Variants in BABAM2 observed in about 807,000 individuals in gnomAD.
BABAM2 encodes BRISC and BRCA1 A complex member 2, also known as BRISC and BRCA1-A complex member 2.
A neutral mutation model predicts 54.7 loss-of-function variants in BABAM2; 31 were observed. The ratio of observed to expected loss-of-function variants is 0.57; its 90% CI spans 0.43 to 0.77. The LOEUF is 0.77. BABAM2 is among the 30% of genes least tolerant of loss of function. The pLI is 0.00. For synonymous variants in BABAM2, 167 were observed against 162.9 expected, an observed-to-expected ratio of 1.03 and a Z score of -0.19; for missense variants, 364 against 455.8, an observed-to-expected ratio of 0.80 and a Z score of 1.83.
At position 28,044,142 on chromosome 2, in the gene BABAM2, A is replaced by G. The variant is rs1055460799; in HGVS notation, c.496-1583A>G. Among the ~76,000 whole-genome samples, 2 of 152,186 alleles carry G rather than the reference A, an allele frequency of 1.3e-5. 1 individual carries two copies. The highest frequency in any genetic ancestry group is 2.9e-5 in the Non-Finnish European group (2 of 68,030). The stretch of plus-strand genomic sequence containing the variant: ...GGTAAAACAAACAACATTTAGGCAG[A>G]TATTAGTTATTATTATTATCTTCAG... On this transcript the variant is annotated intron_variant, in intron 5 of 11. Transcript: ENST00000379624.
chr2:28,051,997 A>G (rs1573478918), intron 6 of BABAM2, among the ~76,000 whole-genome samples: 1 of 152,218 alleles, frequency 6.6e-6, no homozygotes, highest in Middle Eastern at 3.4e-3. Context: ...CTCAAATGCC[A>G]TTGAAAGAAT....
chr2:28,292,940 T>C (rs1043001473), intron 10 of BABAM2, among the ~76,000 whole-genome samples: 3 of 152,192 alleles, frequency 2.0e-5, no homozygotes, highest in Admixed American at 2.0e-4. Flanking sequence ...CTGCCAAGAT[T>C]GGGAGTGAAT....
chr2:28,231,238 A>T (rs1350061555), intron 7 of BABAM2, among the ~76,000 whole-genome samples: 1 of 152,136 alleles, frequency 6.6e-6, no homozygotes, highest in Admixed American at 6.5e-5. Context: ...AATAAATAAC[A>T]GTGAGTTGTT....
chr2:28,321,180 C>T (rs981547130), intron 11 of BABAM2, among the ~76,000 whole-genome samples: 2 of 152,036 alleles, frequency 1.3e-5, no homozygotes, highest in African/African-American at 2.4e-5. Context: ...GGAAGGAAAC[C>T]AAGGCTTGAG....
intron 2 of BABAM2, among the ~76,000 whole-genome samples, chr2:27,918,019 G>C (rs1667105779): frequency 6.6e-6 from 1 of 152,042 alleles, no homozygotes. Context: ...ACCAACATGA[G>C]TATTTTAATT....
At chr2:27,968,965 T>TTCCCACCCAA (rs1453160090) in intron 3 of BABAM2, among the ~76,000 whole-genome samples, 3 of 152,158 alleles carry the variant, frequency 2.0e-5, no homozygotes, top group African/African-American at 7.2e-5. Flanking sequence ...GGTGGAATGA[T>TTCCCACCCAA]ATGGCTTGTC....
At chr2:28,312,925 C>A (rs1665680075) in intron 11 of BABAM2, among the ~76,000 whole-genome samples, 1 of 152,160 alleles carries the variant, frequency 6.6e-6, no homozygotes, top group African/African-American at 2.4e-5. Flanking sequence ...CATACAGTAT[C>A]AAGATTAGAA....
chr2:28,238,239 C>T (rs553348651), intron 8 of BABAM2, among the ~76,000 whole-genome samples: 8 of 152,168 alleles, frequency 5.3e-5, no homozygotes, highest in African/African-American at 1.2e-4. Context: ...CTGAGTCTAA[C>T]GGTTATTGTT....
chr2:28,058,951 C>T (rs1322825894), intron 6 of BABAM2, among the ~76,000 whole-genome samples: 2 of 152,118 alleles, frequency 1.3e-5, no homozygotes, highest in African/African-American at 4.8e-5. Context: ...AAGCATTATT[C>T]GAGCCCGCCC....
chr2:27,904,900 C>G (rs1666080468), intron 2 of BABAM2, among the ~76,000 whole-genome samples: 2 of 152,068 alleles, frequency 1.3e-5, no homozygotes, highest in Admixed American at 6.5e-5. Flanking sequence ...ATAAGTGATT[C>G]AATACAGGAA....
intron 10 of BABAM2, among the ~76,000 whole-genome samples, chr2:28,297,448 C>T (rs1687787999): frequency 1.3e-5 from 2 of 152,086 alleles, no homozygotes; most frequent in South Asian, 4.1e-4. Flanking sequence ...ACGTTATATA[C>T]CTTTAAGAAT....
At chr2:27,933,096 A>G (rs1258147731) in intron 3 of BABAM2, among the ~76,000 whole-genome samples, 1 of 152,196 alleles carries the variant, frequency 6.6e-6, no homozygotes, top group Non-Finnish European at 1.5e-5. Flanking sequence ...TTCTAGTAGC[A>G]TGGGTTTATG....
intron 11 of BABAM2, among the ~76,000 whole-genome samples, chr2:28,306,411 T>C (rs1455250354): frequency 6.6e-6 from 1 of 152,202 alleles, no homozygotes; most frequent in Non-Finnish European, 1.5e-5. Context: ...TATTTTTAGA[T>C]ACATATTTAG....
rs1045546293 is a variant in BABAM2 at position 28,322,095 on chromosome 2, G to T, written c.1089-16355G>T. Among the ~76,000 whole-genome samples, 2 of 152,166 alleles carry T rather than the reference G, an allele frequency of 1.3e-5. No homozygotes were observed. The highest frequency in any genetic ancestry group is 2.4e-5 in the African/African-American group (1 of 41,416). Reference sequence around the variant, plus strand: ...TTCAACAGAAAATTAGGGTACTTCTGTGTCACTGAGGTGCAGCCCCAGTGA... The same window carrying T: ...TTCAACAGAAAATTAGGGTACTTCTTTGTCACTGAGGTGCAGCCCCAGTGA... On this transcript the variant is annotated intron_variant, in intron 11 of 11. Transcript: ENST00000379624. The surrounding 1 kb of genome is among the most constrained non-coding windows in gnomAD (Gnocchi z 4.1).
chr2:27,990,758 C>T (rs1003687287), intron 4 of BABAM2, among the ~76,000 whole-genome samples: 4 of 151,796 alleles, frequency 2.6e-5, no homozygotes, highest in African/African-American at 7.3e-5. Context: ...AAAAATGACT[C>T]TTCAATGTGT....
intron 10 of BABAM2, among the ~76,000 whole-genome samples, chr2:28,265,077 T>C (rs1684862392): frequency 6.6e-6 from 1 of 152,214 alleles, no homozygotes; most frequent in Non-Finnish European, 1.5e-5. Context: ...GTAAGGACTG[T>C]GGCTTCTAAT....
chr2:28,299,512 G>A (rs1463423256), intron 11 of BABAM2, among the ~76,000 whole-genome samples: 1 of 152,142 alleles, frequency 6.6e-6, no homozygotes, highest in Non-Finnish European at 1.5e-5. Flanking sequence ...CCCAGCTGAA[G>A]GATGATCAGA....
At chr2:27,987,948 C>A (rs1187674627) in intron 3 of BABAM2, 45 bp from the exon 4 acceptor site, 1 of 1,504,206 alleles carries the variant, frequency 6.6e-7, no homozygotes, top group African/African-American at 1.4e-5. Flanking sequence ...AATATTCATA[C>A]TTAGAAAGGA....
intron 7 of BABAM2, among the ~76,000 whole-genome samples, chr2:28,135,542 G>T (rs1670458392): frequency 6.6e-6 from 1 of 151,950 alleles, no homozygotes; most frequent in Non-Finnish European, 1.5e-5. Flanking sequence ...ATTTCTCCCT[G>T]CTTACAGATC....
Sources: allele counts gnomAD v4.1 joint callset (sites outside exome capture counted in the v4.1 genomes callset), GRCh38; gene constraint gnomAD v4.1.1; non-coding constraint Gnocchi (gnomAD v3.1); transcripts MANE v1.5; gene names NCBI Gene and HGNC (gene_info 2026-07-23, HGNC 2026-07-21).